Variants in TIAM1 observed in about 807,000 individuals in gnomAD.
The protein encoded by TIAM1 is rho guanine nucleotide exchange factor TIAM1.
A neutral mutation model predicts 163.5 loss-of-function variants in TIAM1; 65 were observed. The ratio of observed to expected loss-of-function variants is 0.40; its 90% CI spans 0.33 to 0.49. TIAM1 has a LOEUF of 0.49. Among genes scored for constraint, TIAM1 ranks in the 20% least tolerant of loss-of-function variants. The probability of loss-of-function intolerance (pLI) is 0.77; values close to 1 mark genes in which losing one functional copy is unlikely to be tolerated. For missense variants in TIAM1, 1,789 were observed against 2,044.7 expected, an observed-to-expected ratio of 0.87 and a Z score of 2.41; for synonymous variants, 833 against 810.1, an observed-to-expected ratio of 1.03 and a Z score of -0.48.
chr21:31,339,152 CA>C, intron 2 of TIAM1, 90 bp downstream of exon 2: 1 of 393,388 alleles, frequency 2.5e-6, no homozygotes, highest in East Asian at 3.6e-5. Context: ...TCTATTGTCC[CA>C]AAAAAGGTGG....
At chr21:31,337,065 G>A (rs1339583953) in intron 2 of TIAM1, among the ~76,000 whole-genome samples, 1 of 152,234 alleles carries the variant, frequency 6.6e-6, no homozygotes, top group African/African-American at 2.4e-5. Flanking sequence ...AGGCCAGGCT[G>A]CCTGGTTCAA....
chr21:31,347,193 A>G (rs2076162558), upstream of TIAM1, among the ~76,000 whole-genome samples: 1 of 152,172 alleles, frequency 6.6e-6, no homozygotes, highest in Admixed American at 6.5e-5. Context: ...CAACATGTGA[A>G]CACGTTACAT....
chr21:31,478,986 A>G (rs2046021954), intron 1 of TIAM1, among the ~76,000 whole-genome samples: 1 of 152,236 alleles, frequency 6.6e-6, no homozygotes, highest in South Asian at 2.1e-4. Context: ...TCTGCTATGC[A>G]CTAGGAAAAG....
chr21:31,466,823 A>G (rs766993905), intron 1 of TIAM1, among the ~76,000 whole-genome samples: 1 of 152,160 alleles, frequency 6.6e-6, no homozygotes, highest in Non-Finnish European at 1.5e-5. Context: ...GCTACCGTAC[A>G]ATAAGGGGAA....
chr21:31,541,903 G>A (rs1210831468), intron 1 of TIAM1, among the ~76,000 whole-genome samples: 1 of 152,198 alleles, frequency 6.6e-6, no homozygotes, highest in Non-Finnish European at 1.5e-5. Flanking sequence ...TCGAAGCTAA[G>A]TGCTTGCCCA....
At chr21:31,261,413 A>C (rs1410145647) in intron 4 of TIAM1, among the ~76,000 whole-genome samples, 2 of 152,112 alleles carry the variant, frequency 1.3e-5, no homozygotes, top group Non-Finnish European at 2.9e-5. Context: ...CAAGTCAGAA[A>C]GAAGACTTGG....
At chr21:31,516,435 A>T (rs1182508713) in intron 1 of TIAM1, among the ~76,000 whole-genome samples, 1 of 152,178 alleles carries the variant, frequency 6.6e-6, no homozygotes, top group Non-Finnish European at 1.5e-5. Context: ...AAATTAAAAA[A>T]TAAAACACAC....
intron 3 of TIAM1, among the ~76,000 whole-genome samples, chr21:31,272,375 T>A (rs183969104): frequency 6.6e-6 from 1 of 152,044 alleles, no homozygotes; most frequent in Non-Finnish European, 1.5e-5. Flanking sequence ...TTTATCAATA[T>A]ACACAAATAC....
chr21:31,402,730 A>G lies in TIAM1; in HGVS notation c.-369+61253T>C, dbSNP rs550391584. On this transcript the variant is annotated intron_variant, in intron 2 of 28. Coordinates refer to the TIAM1 transcript ENST00000286827. Reference sequence around the variant, plus strand: ...TTTGAGAGGCCGAGGCGGGGGTATCATGAGGTCAGGAGAGCGAGACCATCC... The same window carrying G: ...TTTGAGAGGCCGAGGCGGGGGTATCGTGAGGTCAGGAGAGCGAGACCATCC... 6.6e-5 allele frequency among the ~76,000 whole-genome samples: 10 copies of G among 152,106 alleles called. No individual in the cohort carries two copies. The East Asian group carries it at 1.9e-3, about 29-fold the overall frequency.
At chr21:31,181,756 C>A (rs111622600) in intron 15 of TIAM1, among the ~76,000 whole-genome samples, 2 of 41,342 alleles carry the variant, frequency 4.8e-5, no homozygotes, top group Non-Finnish European at 1.1e-4. Context: ...TCTTCTTCTT[C>A]TTTTTTTTTT....
At position 31,222,548 on chromosome 21, in the gene TIAM1, C is replaced by T. The variant is rs376543706; in HGVS notation, c.1995+858G>A. Among the ~76,000 whole-genome samples the T allele has an allele frequency of 6.9e-4, 105 of 151,420 alleles. No homozygotes were observed. In the South Asian group the frequency reaches 0.021, roughly 30 times the overall value. On this transcript the variant is annotated intron_variant, in intron 8 of 27. Coordinates refer to ENST00000541036, the MANE Select transcript of TIAM1 (RefSeq NM_001353694.2). ...AGTTCTTCGCCTTGCTCTAATGCAT[C>T]GGGTATTCGTGGTCATCAAAACAAT...
At chr21:31,167,026 G>A (rs1022239914) in intron 15 of TIAM1, among the ~76,000 whole-genome samples, 3 of 151,692 alleles carry the variant, frequency 2.0e-5, no homozygotes, top group African/African-American at 4.8e-5. Context: ...ACATCCCATC[G>A]CTCACAATGC....
At chr21:31,210,486 C>G (rs1396823682) in intron 10 of TIAM1, among the ~76,000 whole-genome samples, 1 of 130,314 alleles carries the variant, frequency 7.7e-6, no homozygotes, top group African/African-American at 3.0e-5. Context: ...GAGTGGGCAT[C>G]AAAATTTGGA....
intron 2 of TIAM1, among the ~76,000 whole-genome samples, chr21:31,369,042 T>C (rs1048815070): frequency 1.1e-4 from 16 of 143,790 alleles, no homozygotes; most frequent in Non-Finnish European, 1.8e-4. Context: ...GATAGAGACA[T>C]GGTGAAACCC....
intron 2 of TIAM1, among the ~76,000 whole-genome samples, chr21:31,385,981 A>G (rs2076864915): frequency 6.7e-6 from 1 of 148,680 alleles, no homozygotes; most frequent in Non-Finnish European, 1.5e-5. Flanking sequence ...TATATATAAT[A>G]AACATTTTAA....
intron 26 of TIAM1, among the ~76,000 whole-genome samples, chr21:31,125,434 G>A (rs2082160364): frequency 6.6e-6 from 1 of 152,086 alleles, no homozygotes; most frequent in Non-Finnish European, 1.5e-5. Flanking sequence ...AACCCCACGA[G>A]GTTATACAAA....
chr21:31,472,175 T>A (rs2045767527), intron 1 of TIAM1, among the ~76,000 whole-genome samples: 1 of 152,162 alleles, frequency 6.6e-6, no homozygotes, highest in African/African-American at 2.4e-5. Flanking sequence ...ATCAGGATGA[T>A]CATAATCATA....
chr21:31,118,617 T>A lies in TIAM1; in HGVS notation c.*1751A>T. On this transcript the variant is annotated 3_prime_UTR_variant, in exon 28 of 28. Coordinates refer to ENST00000541036, the MANE Select transcript of TIAM1 (RefSeq NM_001353694.2). Reference sequence around the variant, plus strand: ...TTCCGAGTGTTTTCAGATGGATGTGTTGCACTGGAGCCAGTAAATGCGACG... The same window carrying A: ...TTCCGAGTGTTTTCAGATGGATGTGATGCACTGGAGCCAGTAAATGCGACG... 2.1e-6 allele frequency: 1 copy of A among 471,358 alleles called. No individual in the cohort carries two copies. Among genetic ancestry groups the A allele is most frequent in the Non-Finnish European group, 4.4e-6 (1 of 227,078 alleles). 29.2% of individuals were successfully genotyped at this position (471,358 alleles called of 1,614,324 possible). A position where few individuals can be genotyped will look rare whatever the true frequency, so the allele number is the denominator to read the frequency against.
At chr21:31,556,065 T>C (rs1005591420) in intron 1 of TIAM1, among the ~76,000 whole-genome samples, 5 of 152,132 alleles carry the variant, frequency 3.3e-5, no homozygotes, top group African/African-American at 7.2e-5. Context: ...TGTCAGCTAA[T>C]GAGATTTCCT....
Sources: gnomAD v4.1 joint callset for allele counts (sites outside exome capture counted in the v4.1 genomes callset) on GRCh38, gnomAD v4.1.1 for gene constraint, MANE v1.5 for transcripts, NCBI Gene and HGNC (gene_info 2026-07-23, HGNC 2026-07-21) for gene names.